Variants in UTP20 observed in about 807,000 individuals in gnomAD.
The protein encoded by UTP20 is UTP20 small subunit processome component.
UTP20 carries 164 observed loss-of-function variants against 329.5 expected under a neutral mutation model. The ratio of observed to expected loss-of-function variants is 0.50; its 90% CI spans 0.44 to 0.57. The LOEUF is 0.57. Among genes scored for constraint, UTP20 ranks in the 20% least tolerant of loss-of-function variants. The probability of loss-of-function intolerance (pLI) is 0.00; values close to 1 mark genes in which losing one functional copy is unlikely to be tolerated. For missense variants in UTP20, 3,055 were observed against 3,284.2 expected (o/e 0.93, Z 1.71); for synonymous variants, 1,151 against 1,159.3 (o/e 0.99, Z 0.14).
At chr12:101,286,638 C>T in intron 5 of UTP20, 129 bp downstream of exon 5, 1 of 696,966 alleles carries the variant, frequency 1.4e-6, no homozygotes, top group Non-Finnish European at 2.1e-6. Flanking sequence ...ATTCTCCAGC[C>T]AAAGTGGTCC....
chr12:101,337,289 G>T (rs1408521564), intron 29 of UTP20, among the ~76,000 whole-genome samples: 2 of 152,206 alleles, frequency 1.3e-5, no homozygotes, highest in African/African-American at 4.8e-5. Context: ...TGCTAAGTAT[G>T]TTAAAGAGCT....
chr12:101,386,261 G>GT lies in UTP20; in HGVS notation c.*139dup. On this transcript the variant is annotated 3_prime_UTR_variant, in exon 62 of 62. Coordinates refer to ENST00000261637, the MANE Select transcript of UTP20 (RefSeq NM_014503.3). ...GTCTCACTCTGTCACCCAAGGTGGAGTGCAGTGACGACATCACAGCTCACT... is the reference window on the plus strand; with the variant it reads ...GTCTCACTCTGTCACCCAAGGTGGAGTTGCAGTGACGACATCACAGCTCACT... 1 of 756,972 alleles carries GT rather than the reference G, an allele frequency of 1.3e-6. No individual in the cohort carries two copies. The highest frequency in any genetic ancestry group is 2.1e-6 in the Non-Finnish European group (1 of 478,038). The allele number at this position is 756,972 out of a possible 1,614,324, so 46.9% of individuals were successfully genotyped here. A position where few individuals can be genotyped will look rare whatever the true frequency, so the allele number is the denominator to read the frequency against.
Position 101,385,816 on chromosome 12 carries a change from G to A in UTP20, c.8202+88G>A, listed in dbSNP as rs1003267636. The A allele has an allele frequency of 3.3e-6, 5 of 1,527,058 alleles. No individual in the cohort carries two copies. The South Asian group carries it at 5.0e-5, about 15-fold the overall frequency. 94.6% of individuals were successfully genotyped at this position (1,527,058 alleles called of 1,614,324 possible). A position where few individuals can be genotyped will look rare whatever the true frequency, so the allele number is the denominator to read the frequency against. ...TTTGTGTCACACTTACACTTAGGGAGGATCAAGGGTTTGAGCGGTTGGGGA... is the reference window on the plus strand; with the variant it reads ...TTTGTGTCACACTTACACTTAGGGAAGATCAAGGGTTTGAGCGGTTGGGGA... On this transcript the variant is annotated intron_variant, in intron 61 of 61. Coordinates refer to ENST00000261637, the MANE Select transcript of UTP20 (RefSeq NM_014503.3).
rs748481889 is a variant in UTP20 at position 101,306,787 on chromosome 12, G to A, written c.1995+26G>A. On this transcript the variant is annotated intron_variant, in intron 17 of 61. Transcript: ENST00000261637. The stretch of plus-strand genomic sequence containing the variant: ...GTATTTTAACTGTTTGAGTGGATAG[G>A]TTTTAAAAAAATATAGTTTTACATA... 9.6e-6 allele frequency: 15 copies of A among 1,564,772 alleles called. No individual in the cohort carries two copies. In the East Asian group the frequency reaches 3.4e-4, roughly 35 times the overall value.
chr12:101,308,680 A>G (rs1263767443), intron 18 of UTP20, among the ~76,000 whole-genome samples: 1 of 151,816 alleles, frequency 6.6e-6, no homozygotes, highest in Non-Finnish European at 1.5e-5. Context: ...TCAGGTTTAA[A>G]GCTTGCTCTT....
rs139666379 is a variant in UTP20 at position 101,378,244 on chromosome 12, A to C, written c.7397-1127A>C. 4.7e-4 allele frequency among the ~76,000 whole-genome samples: 72 copies of C among 152,342 alleles called. 1 individual carries two copies. In the East Asian group the frequency reaches 0.011, roughly 23 times the overall value. On this transcript the variant is annotated intron_variant, in intron 56 of 61. Transcript: ENST00000261637. ...CTGTAAGATGGAAATTATAATTCCA[A>C]CGTCACAGAATTGTTATGAGGTCTA... is the stretch of plus-strand genomic sequence containing the variant.
At chr12:101,379,602 A>G (rs1870580399) in intron 57 of UTP20, 44 bp downstream of exon 57, 4 of 1,566,400 alleles carry the variant, frequency 2.6e-6, no homozygotes, top group East Asian at 2.3e-5. Flanking sequence ...TGACTGTAAG[A>G]TGTTCCTTCT....
intron 45 of UTP20, 98 bp downstream of exon 45, chr12:101,363,841 AC>A: frequency 1.3e-6 from 1 of 794,770 alleles, no homozygotes; most frequent in Non-Finnish European, 2.1e-6. Context: ...GTTCTTGATC[AC>A]CCATGATTTC....
chr12:101,331,277 G>C (rs1015584120), intron 27 of UTP20, among the ~76,000 whole-genome samples: 1 of 152,172 alleles, frequency 6.6e-6, no homozygotes, highest in African/African-American at 2.4e-5. Flanking sequence ...GGTGGTTGGT[G>C]GGAATGGGAG....
chr12:101,369,181 CT>C (rs1483466600), intron 48 of UTP20, among the ~76,000 whole-genome samples: 1 of 152,092 alleles, frequency 6.6e-6, no homozygotes, highest in Admixed American at 6.6e-5. Flanking sequence ...CCTTGTATAC[CT>C]AATTCAAGCT....
Position 101,363,680 on chromosome 12 carries a change from T to C in UTP20, c.5895T>C (p.Tyr1965=), listed in dbSNP as rs774258571. 2.5e-5 allele frequency: 41 copies of C among 1,613,140 alleles called. 1 individual carries two copies. Among genetic ancestry groups the C allele is most frequent in the South Asian group, 1.9e-4 (17 of 91,056 alleles). ...GAAGAAGCAAAAGTTACGACTCTTA[T>C]GAAATCCTCGGCAAGTTTGTAGGAA... is the stretch of plus-strand genomic sequence containing the variant. ...EARRSKSYDS[Y]EILGKFVGKD... Residue 1965 remains tyrosine (Y), a synonymous_variant, in exon 45 of 62, where the codon TAT becomes TAC. Transcript: ENST00000261637.
chr12:101,291,873 T>C lies in UTP20; in HGVS notation c.1023T>C (p.Pro341=). The stretch of plus-strand genomic sequence containing the variant: ...GAAGTGGGACAAAGATACCCACGCC[T>C]GCTGATGTCTGTAAGGTGAGTTCCC... ...KHGSGTKIPT[P]ADVCKVLSQT... Residue 341 remains proline (P), a synonymous_variant, in exon 9 of 62, where the codon CCT becomes CCC. Coordinates refer to ENST00000261637, the MANE Select transcript of UTP20 (RefSeq NM_014503.3). 6 of 1,612,542 alleles carry C rather than the reference T, an allele frequency of 3.7e-6. No individual in the cohort carries two copies. Among genetic ancestry groups the C allele is most frequent in the Non-Finnish European group, 5.1e-6 (6 of 1,179,570 alleles).
chr12:101,368,838 TC>T (rs1870184559), intron 48 of UTP20, among the ~76,000 whole-genome samples: 1 of 152,154 alleles, frequency 6.6e-6, no homozygotes, highest in Non-Finnish European at 1.5e-5. Context: ...AAACAGGTAA[TC>T]AGTTGCAGAG....
chr12:101,327,445 T>C (rs1041573104), intron 26 of UTP20, among the ~76,000 whole-genome samples, 198 bp downstream of exon 26: 2 of 152,226 alleles, frequency 1.3e-5, no homozygotes, highest in Non-Finnish European at 2.9e-5. Flanking sequence ...GCCCTGTGGA[T>C]TATCGGCACC....
intron 55 of UTP20, 115 bp downstream of exon 55, chr12:101,375,054 C>A: frequency 1.5e-6 from 1 of 657,638 alleles, no homozygotes; most frequent in Non-Finnish European, 2.5e-6. Flanking sequence ...ATAGCTATAG[C>A]TATTTATAGC....
chr12:101,351,312 A>ACT (rs1869513176), intron 38 of UTP20, among the ~76,000 whole-genome samples: 1 of 151,986 alleles, frequency 6.6e-6, no homozygotes, highest in Non-Finnish European at 1.5e-5. Context: ...TTTTTAGTAG[A>ACT]GATGGGGTTT....
intron 27 of UTP20, among the ~76,000 whole-genome samples, chr12:101,332,738 A>G (rs1868800677): frequency 6.6e-6 from 1 of 152,218 alleles, no homozygotes; most frequent in African/African-American, 2.4e-5. Context: ...TGCTGTACAA[A>G]GTATTTCACT....
At chr12:101,285,684 A>G (rs761222250) in intron 3 of UTP20, 48 bp downstream of exon 3, 2 of 1,613,534 alleles carry the variant, frequency 1.2e-6, no homozygotes, top group Non-Finnish European at 1.7e-6. Flanking sequence ...TTTGCACTTT[A>G]TATGTTCCAT....
chr12:101,378,459 C>G (rs536092739), intron 56 of UTP20, among the ~76,000 whole-genome samples: 2 of 152,264 alleles, frequency 1.3e-5, no homozygotes, highest in South Asian at 4.1e-4. Context: ...CACAGTGGCT[C>G]ACACCTGTAA....
Sources: allele counts gnomAD v4.1 joint callset (sites outside exome capture counted in the v4.1 genomes callset), GRCh38; gene constraint gnomAD v4.1.1; transcripts MANE v1.5; gene names NCBI Gene and HGNC (gene_info 2026-07-23, HGNC 2026-07-21).